Variants in ZMYND8 observed in about 807,000 individuals in gnomAD.
The protein encoded by ZMYND8 is zinc finger MYND-type containing 8.
Under a neutral mutation model 140.8 loss-of-function variants are expected in ZMYND8, and 37 were observed. The observed-to-expected ratio is 0.26, with a 90% CI of 0.20 to 0.35. The LOEUF (loss-of-function observed/expected upper bound fraction) is 0.35, where lower values mean the gene tolerates loss of function less well. Among genes scored for constraint, ZMYND8 ranks in the 10% least tolerant of loss-of-function variants. The pLI, the probability that ZMYND8 is intolerant of heterozygous loss-of-function variation, is 1.00. For synonymous variants in ZMYND8, 592 were observed against 597.1 expected, an observed-to-expected ratio of 0.99 and a Z score of 0.12; for missense variants, 1,068 against 1,570.0, an observed-to-expected ratio of 0.68 and a Z score of 5.40.
chr20:47,333,493 G>A (rs1030685879), intron 2 of ZMYND8, among the ~76,000 whole-genome samples: 4 of 152,030 alleles, frequency 2.6e-5, no homozygotes, highest in Non-Finnish European at 4.4e-5. Flanking sequence ...CACTTTGGGA[G>A]GCCGAGGCAG....
chr20:47,325,047 G>A (rs2080297590), intron 2 of ZMYND8, among the ~76,000 whole-genome samples: 1 of 152,166 alleles, frequency 6.6e-6, no homozygotes, highest in East Asian at 1.9e-4. Context: ...TGGGACTACA[G>A]GCGTGCGCCA....
chr20:47,303,957 C>G lies in ZMYND8; in HGVS notation c.235-5010G>C, dbSNP rs187108531. 6.0e-3 allele frequency among the ~76,000 whole-genome samples: 918 copies of G among 152,244 alleles called. 39 individuals are homozygous for G. The highest frequency in any genetic ancestry group is 0.054 in the Admixed American group (822 of 15,278). On this transcript the variant is annotated intron_variant, in intron 3 of 22. Transcript: ENST00000471951. ...AGCAGCAGTTGCTGAGAGCTAGATG[C>G]CTGGTTAATCTCCTTATCAATCAGA...
At chr20:47,252,291 C>CAAA (rs144291181) in intron 12 of ZMYND8, among the ~76,000 whole-genome samples, 32 of 68,926 alleles carry the variant, frequency 4.6e-4, no homozygotes, top group South Asian at 1.1e-3. Flanking sequence ...GACTCTGTCT[C>CAAA]AAAAAAAAAA....
chr20:47,246,528 A>C lies in ZMYND8; in HGVS notation c.1775-11T>G. 6.4e-7 allele frequency: 1 copy of C among 1,557,596 alleles called. No individual in the cohort carries two copies. Among genetic ancestry groups the C allele is most frequent in the Non-Finnish European group, 8.6e-7 (1 of 1,156,778 alleles). On this transcript the variant is annotated splice_polypyrimidine_tract_variant and intron_variant, in intron 13 of 22. Transcript: ENST00000471951. ...AGATTTCATTTATGCCTAAATTCAA[A>C]AAGAAAACCCAGCATGTGGCGTAGT...
rs763240321 is a variant in ZMYND8, at chr20:47,302,740, A to G, written c.235-3793T>C. Among the ~76,000 whole-genome samples the G allele has an allele frequency of 2.0e-5, 3 of 152,164 alleles. No individual in the cohort carries two copies. In the South Asian group the frequency reaches 6.2e-4, roughly 32 times the overall value. On this transcript the variant is annotated intron_variant, in intron 3 of 22. Transcript: ENST00000471951. ...CTCATAAGACAACGTTGAATCCAGG[A>G]GAGTGTGTGTTGACTTAGAGACCCC...
intron 9 of ZMYND8, among the ~76,000 whole-genome samples, chr20:47,282,929 C>G (rs1047855314): frequency 3.3e-5 from 5 of 152,086 alleles, no homozygotes; most frequent in Admixed American, 6.6e-5. Flanking sequence ...TACCTTTATT[C>G]TTTATTGAAG....
At chr20:47,313,957 G>GT (rs2079169651) in intron 2 of ZMYND8, among the ~76,000 whole-genome samples, 1 of 151,912 alleles carries the variant, frequency 6.6e-6, no homozygotes. Context: ...TAAATAAAGT[G>GT]TATCTAGCAC....
At chr20:47,282,313 C>T in intron 9 of ZMYND8, 96 bp from the exon 10 acceptor site, 1 of 1,027,006 alleles carries the variant, frequency 9.7e-7, no homozygotes, top group Non-Finnish European at 1.5e-6. Flanking sequence ...GACTGTGGGA[C>T]ACAGGCCATG....
At chr20:47,282,044 A>C (rs528226743) in intron 10 of ZMYND8, 58 bp downstream of exon 10, 2 of 1,403,566 alleles carry the variant, frequency 1.4e-6, no homozygotes, top group Middle Eastern at 1.8e-4. Flanking sequence ...TTCTTATCTC[A>C]TAACAGTATC....
At chr20:47,211,078 A>G (rs573099049) in intron 22 of ZMYND8, among the ~76,000 whole-genome samples, 181 bp from the exon 23 acceptor site, 56 of 152,288 alleles carry the variant, frequency 3.7e-4, no homozygotes, top group Admixed American at 2.6e-4. Context: ...AGGTAGAACA[A>G]CTTATTTTTT....
intron 2 of ZMYND8, among the ~76,000 whole-genome samples, chr20:47,312,815 A>AGGT (rs1034595851): frequency 6.7e-6 from 1 of 150,246 alleles, no homozygotes; most frequent in Non-Finnish European, 1.5e-5. Flanking sequence ...AAAGAGAGAG[A>AGGT]GGTGCAGCCC....
intron 15 of ZMYND8, chr20:47,237,375 C>G (rs1459921866): frequency 6.7e-6 from 1 of 148,754 alleles, no homozygotes; most frequent in Non-Finnish European, 1.5e-5. Context: ...CTGGGCTGGT[C>G]TTGAACTCCT....
intron 21 of ZMYND8, 52 bp downstream of exon 21, chr20:47,220,206 T>A: frequency 7.0e-7 from 1 of 1,423,890 alleles, no homozygotes. Context: ...TGGCTCCCCA[T>A]CTGCCCATCT....
intron 2 of ZMYND8, among the ~76,000 whole-genome samples, chr20:47,346,546 G>C (rs750832740): frequency 7.2e-5 from 11 of 151,894 alleles, no homozygotes; most frequent in Non-Finnish European, 1.5e-4. Flanking sequence ...TCAGCAGCCA[G>C]CTTCTGCTTC....
chr20:47,243,698 A>G (rs2147253951), intron 14 of ZMYND8, among the ~76,000 whole-genome samples: 1 of 152,256 alleles, frequency 6.6e-6, no homozygotes, highest in East Asian at 1.9e-4. Flanking sequence ...ATGGTTATGT[A>G]TCCTTGTCAA....
intron 4 of ZMYND8, among the ~76,000 whole-genome samples, chr20:47,297,574 A>C (rs1455082084): frequency 6.6e-6 from 1 of 151,942 alleles, no homozygotes; most frequent in East Asian, 1.9e-4. Flanking sequence ...GGCACATACC[A>C]CCATGCCCAG....
At chr20:47,232,710 G>A (rs573556241) in intron 16 of ZMYND8, among the ~76,000 whole-genome samples, 11 of 152,252 alleles carry the variant, frequency 7.2e-5, no homozygotes, top group Admixed American at 4.6e-4. Flanking sequence ...GGAAGGTGAT[G>A]TAAGGACAAC....
chr20:47,319,015 C>G, intron 2 of ZMYND8: 1 of 1,351,236 alleles, frequency 7.4e-7, no homozygotes, highest in Non-Finnish European at 9.8e-7. Context: ...AGAACAGAGG[C>G]TCACCCACAG....
At chr20:47,239,175 G>A (rs1465009143) in intron 14 of ZMYND8, 37 bp from the exon 15 acceptor site, 2 of 1,483,960 alleles carry the variant, frequency 1.3e-6, no homozygotes, top group South Asian at 2.8e-5. Flanking sequence ...ACAAAAACCG[G>A]ATTTCACTCA....
Sources: gnomAD v4.1 joint callset for allele counts (sites outside exome capture counted in the v4.1 genomes callset) on GRCh38, gnomAD v4.1.1 for gene constraint, MANE v1.5 for transcripts, NCBI Gene and HGNC (gene_info 2026-07-23, HGNC 2026-07-21) for gene names.